SLC13A4: variants seen among roughly 807,000 people sequenced by gnomAD.
SLC13A4 encodes the protein solute carrier family 13 member 4, also known as Na(+)/sulfate cotransporter SUT-1.
A neutral mutation model predicts 72.7 loss-of-function variants in SLC13A4; 28 were observed. That is an observed-to-expected ratio of 0.39 (90% confidence interval 0.29 to 0.53). The LOEUF is 0.53. Among genes scored for constraint, SLC13A4 ranks in the 20% least tolerant of loss-of-function variants. The pLI is 0.78. For synonymous variants in SLC13A4, 312 were observed against 325.5 expected, an observed-to-expected ratio of 0.96 and a Z score of 0.45; for missense variants, 653 against 788.0, an observed-to-expected ratio of 0.83 and a Z score of 2.05.
chr7:135,683,423 C>T, intron 15 of SLC13A4: 1 of 984,924 alleles, frequency 1.0e-6, no homozygotes, highest in Non-Finnish European at 1.2e-6. Flanking sequence ...AAATTTGGCT[C>T]CCATGAAAAA....
chr7:135,688,616 A>T (rs1386422158), intron 13 of SLC13A4, among the ~76,000 whole-genome samples: 2 of 152,174 alleles, frequency 1.3e-5, no homozygotes, highest in Admixed American at 1.3e-4. Flanking sequence ...TTATACTATG[A>T]TTTGAAATAA....
At chr7:135,701,037 G>C (rs1029839393) in intron 7 of SLC13A4, among the ~76,000 whole-genome samples, 7 of 152,164 alleles carry the variant, frequency 4.6e-5, no homozygotes, top group Admixed American at 3.3e-4. Flanking sequence ...CTAGTTCCTT[G>C]GTCTTGGGTT....
At chr7:135,723,829 AC>A (rs1231389318) in intron 1 of SLC13A4, among the ~76,000 whole-genome samples, 2 of 152,172 alleles carry the variant, frequency 1.3e-5, no homozygotes, top group African/African-American at 2.4e-5. Context: ...GTAGCTCCCC[AC>A]TGAGATGTTC....
intron 1 of SLC13A4, among the ~76,000 whole-genome samples, chr7:135,724,721 T>A (rs1302226856): frequency 1.3e-5 from 2 of 152,166 alleles, no homozygotes; most frequent in Non-Finnish European, 2.9e-5. Context: ...ATTACTATCA[T>A]TTTTTACCTG....
intron 8 of SLC13A4, among the ~76,000 whole-genome samples, chr7:135,696,336 T>C (rs1795903285): frequency 6.6e-6 from 1 of 152,076 alleles, no homozygotes; most frequent in African/African-American, 2.4e-5. Context: ...TGCTCTACTT[T>C]CCTTTTATTT....
intron 2 of SLC13A4, among the ~76,000 whole-genome samples, chr7:135,712,310 C>T (rs145443653): frequency 1.3e-5 from 2 of 151,662 alleles, no homozygotes; most frequent in East Asian, 1.9e-4. Flanking sequence ...ACTATGTGCT[C>T]GGGAGACACG....
intron 6 of SLC13A4, 134 bp from the exon 7 acceptor site, chr7:135,701,894 G>T: frequency 5.3e-6 from 4 of 760,688 alleles, no homozygotes; most frequent in Middle Eastern, 3.6e-4. Flanking sequence ...AAGCCAGGGG[G>T]AGCATATACA....
Position 135,689,901 on chromosome 7 carries a change from C to T in SLC13A4, c.1446+1300G>A, listed in dbSNP as rs141541458. Among the ~76,000 whole-genome samples, 672 of 151,944 alleles carry T rather than the reference C, an allele frequency of 4.4e-3. 5 individuals are homozygous for T. The highest frequency in any genetic ancestry group is 0.016 in the African/African-American group (645 of 41,438). On this transcript the variant is annotated intron_variant, in intron 13 of 15. Coordinates refer to ENST00000682651, the MANE Select transcript of SLC13A4 (RefSeq NM_001318192.2). ...TTGGGCCATGAAAAGTGAACCAAGC[C>T]GGGCACAGTGGCTCATGCCTGTAAT...
chr7:135,692,174 G>T, intron 11 of SLC13A4, 149 bp downstream of exon 11: 2 of 678,418 alleles, frequency 2.9e-6, no homozygotes, highest in East Asian at 2.7e-5. Context: ...TTTCCTTCCT[G>T]ATTTCACACT....
chr7:135,702,347 TC>T (rs1796056316), intron 6 of SLC13A4: 2 of 159,604 alleles, frequency 1.3e-5, no homozygotes, highest in African/African-American at 4.8e-5. Flanking sequence ...AACTCTGCTT[TC>T]CCCTGTAAAT....
At position 135,684,314 on chromosome 7, in the gene SLC13A4, T is replaced by C. The variant is rs1028537483; in HGVS notation, c.1609-53A>G. On this transcript the variant is annotated intron_variant, in intron 14 of 15. Coordinates refer to ENST00000682651, the MANE Select transcript of SLC13A4 (RefSeq NM_001318192.2). ...CACGAGATTAGGCTTGCATTTCCTG[T>C]GCTTAATGTCAGGAGCATGCTTTAA... The C allele has an allele frequency of 7.6e-5, 118 of 1,544,794 alleles. No individual in the cohort carries two copies. The Admixed American group carries it at 2.1e-3, about 27-fold the overall frequency.
intron 13 of SLC13A4, among the ~76,000 whole-genome samples, chr7:135,687,005 C>T (rs1035581722): frequency 6.6e-6 from 1 of 152,030 alleles, no homozygotes; most frequent in African/African-American, 2.4e-5. Flanking sequence ...TGCAGTGAAC[C>T]GAGATTGTGC....
In SLC13A4 at chr7:135,701,713, G is replaced by T. The variant is rs1038541086; in HGVS notation, c.681C>A (p.Asn227Lys). The T allele has an allele frequency of 1.2e-6, 2 of 1,613,586 alleles. No individual in the cohort carries two copies. Among genetic ancestry groups the T allele is most frequent in the African/African-American group, 2.7e-5 (2 of 74,898 alleles). ...GGTGTTGCTTCTTGCCCTGGTGTTG[G>T]TTTGCAGTTTTGATGGGGTTGGTGA... is the stretch of plus-strand genomic sequence containing the variant. ...PSITNPIKTA[N>K]QHQGKKQHPS... Residue 227 changes from asparagine to lysine, a missense_variant, in exon 7 of 16, where the codon AAC (asparagine) becomes AAA (lysine). Physicochemically the swap from Asn to Lys is moderately conservative, Grantham distance 94. Transcript: ENST00000682651.
intron 13 of SLC13A4, among the ~76,000 whole-genome samples, chr7:135,688,021 G>A (rs1016955586): frequency 1.3e-5 from 2 of 151,830 alleles, no homozygotes; most frequent in African/African-American, 4.8e-5. Context: ...TGTCGCCCAG[G>A]CTGGAGTGCA....
chr7:135,682,144 A>C (rs753724380), intron 15 of SLC13A4, among the ~76,000 whole-genome samples: 59 of 152,292 alleles, frequency 3.9e-4, no homozygotes, highest in Middle Eastern at 6.8e-3. Flanking sequence ...CCTTTTTTTA[A>C]GGAACAGCTC....
At chr7:135,718,672 A>AC (rs1297115426) in intron 2 of SLC13A4, among the ~76,000 whole-genome samples, 2 of 152,238 alleles carry the variant, frequency 1.3e-5, no homozygotes, top group African/African-American at 4.8e-5. Context: ...ATTGAGTAGG[A>AC]CTTTAAAGGT....
chr7:135,715,340 T>G (rs1796401357), intron 2 of SLC13A4, among the ~76,000 whole-genome samples: 1 of 150,998 alleles, frequency 6.6e-6, no homozygotes. Context: ...AGTGTATGTA[T>G]ATGTGAGCGT....
chr7:135,684,347 T>G, intron 14 of SLC13A4, 86 bp from the exon 15 acceptor site: 2 of 1,489,298 alleles, frequency 1.3e-6, no homozygotes, highest in East Asian at 2.4e-5. Flanking sequence ...TAATGATGAC[T>G]TGGTGCTGGC....
At chr7:135,691,394 T>C (rs948724071) in intron 12 of SLC13A4, 69 bp from the exon 13 acceptor site, 4 of 1,415,044 alleles carry the variant, frequency 2.8e-6, no homozygotes, top group Admixed American at 4.0e-5. Context: ...AGGAGCCTAA[T>C]TGGTGAAGTG....
Sources: allele counts gnomAD v4.1 joint callset (sites outside exome capture counted in the v4.1 genomes callset), GRCh38; gene constraint gnomAD v4.1.1; transcripts MANE v1.5; gene names NCBI Gene and HGNC (gene_info 2026-07-23, HGNC 2026-07-21).